CCDC171: variants seen among roughly 807,000 people sequenced by gnomAD.
The protein encoded by CCDC171 is coiled-coil domain containing 171, also known as coiled-coil domain-containing protein 171.
CCDC171 carries 177 observed loss-of-function variants against 168.2 expected under a neutral mutation model. That is an observed-to-expected ratio of 1.05 (90% CI 0.93 to 1.19). CCDC171 has a LOEUF of 1.19. Among genes scored for constraint, CCDC171 ranks in the 50% most tolerant of loss-of-function variants. CCDC171 has a pLI of 0.00. For synonymous variants in CCDC171, 687 were observed against 540.8 expected (o/e 1.27, Z -3.75); for missense variants, 1,991 against 1,539.0 (o/e 1.29, Z -4.91).
the CCDC171 span, among the ~76,000 whole-genome samples, chr9:16,092,571 C>T: frequency 6.6e-6 from 1 of 152,144 alleles, no homozygotes; most frequent in African/African-American, 2.4e-5. Context: ...TATGTCATAG[C>T]ACTTTACAAC....
intron 23 of CCDC171, among the ~76,000 whole-genome samples, chr9:15,874,127 A>G (rs1483973336): frequency 6.6e-6 from 1 of 152,110 alleles, no homozygotes; most frequent in African/African-American, 2.4e-5. Flanking sequence ...ATCTTGTCCA[A>G]TATGTATCAG....
the CCDC171 span, among the ~76,000 whole-genome samples, chr9:16,087,832 T>A: frequency 6.6e-6 from 1 of 152,262 alleles, no homozygotes; most frequent in African/African-American, 2.4e-5. Context: ...TGCAGTTTCT[T>A]CATAGTGTCA....
At chr9:15,666,062 T>G (rs2048710966) in intron 8 of CCDC171, 101 bp from the exon 9 acceptor site, 3 of 1,005,258 alleles carry the variant, frequency 3.0e-6, no homozygotes, top group Non-Finnish European at 4.4e-6. Context: ...AAGAAGTGCT[T>G]GGATGAATGA....
chr9:15,846,341 A>G (rs545009020), intron 21 of CCDC171, among the ~76,000 whole-genome samples: 1 of 152,208 alleles, frequency 6.6e-6, no homozygotes, highest in East Asian at 1.9e-4. Context: ...TTGGAATAAA[A>G]TTGACTCTAA....
chr9:15,770,773 T>C (rs760096361), intron 18 of CCDC171, among the ~76,000 whole-genome samples: 12 of 152,176 alleles, frequency 7.9e-5, no homozygotes, highest in Non-Finnish European at 1.5e-4. Flanking sequence ...TTTTGTTATT[T>C]CTGTGAAAAT....
chr9:15,923,558 G>A (rs1825577528), intron 25 of CCDC171, among the ~76,000 whole-genome samples: 1 of 151,238 alleles, frequency 6.6e-6, no homozygotes, highest in East Asian at 1.9e-4. Context: ...AGTTAGGTAG[G>A]AGAAATAAGT....
At chr9:15,805,211 C>G (rs375382698) in intron 21 of CCDC171, among the ~76,000 whole-genome samples, 3 of 151,940 alleles carry the variant, frequency 2.0e-5, no homozygotes, top group East Asian at 3.9e-4. Context: ...ATTTGTTGAT[C>G]TTTTGAATGG....
intron 18 of CCDC171, among the ~76,000 whole-genome samples, chr9:15,755,428 T>C (rs1333378865): frequency 6.6e-6 from 1 of 152,182 alleles, no homozygotes; most frequent in Non-Finnish European, 1.5e-5. Flanking sequence ...CCTAGGAATG[T>C]ATCCAAGAGA....
chr9:15,584,032 A>G (rs1587143964), intron 4 of CCDC171, among the ~76,000 whole-genome samples: 1 of 151,924 alleles, frequency 6.6e-6, no homozygotes, highest in East Asian at 1.9e-4. Context: ...ACGCCCGGCT[A>G]ATTTTCTTGT....
chr9:15,613,306 T>G (rs1351291596), intron 6 of CCDC171, among the ~76,000 whole-genome samples: 2 of 152,148 alleles, frequency 1.3e-5, no homozygotes, highest in African/African-American at 4.8e-5. Flanking sequence ...AATTGTGACT[T>G]TAAGTGAATG....
chr9:15,864,812 A>C lies in CCDC171; in HGVS notation c.3469-9720A>C, dbSNP rs145509893. Reference sequence around the variant, plus strand: ...TTTACTGCAGCTAAGAGTAAAAGTAAGAAAACTTAGGTAAAATTGAAATGT... The same window carrying C: ...TTTACTGCAGCTAAGAGTAAAAGTACGAAAACTTAGGTAAAATTGAAATGT... On this transcript the variant is annotated intron_variant, in intron 23 of 25. Transcript: ENST00000380701. Among the ~76,000 whole-genome samples, 316 of 152,228 alleles carry C rather than the reference A, an allele frequency of 2.1e-3. 2 individuals carry two copies. Among genetic ancestry groups the C allele is most frequent in the African/African-American group, 7.1e-3 (295 of 41,562 alleles).
chr9:15,719,222 A>G (rs2053292589), intron 11 of CCDC171, among the ~76,000 whole-genome samples: 1 of 152,120 alleles, frequency 6.6e-6, no homozygotes, highest in Non-Finnish European at 1.5e-5. Flanking sequence ...TAACAGTAGA[A>G]TTGATTAAGC....
rs138065892 is a variant in CCDC171, at chr9:16,001,398, ATG to A, written n.369-19173_369-19172del. Among the ~76,000 whole-genome samples the A allele has an allele frequency of 1.3e-4, 20 of 149,752 alleles. No individual in the cohort carries two copies. In the South Asian group the frequency reaches 1.7e-3, roughly 13 times the overall value. ...AAGTAAGGAGGGTTTTCTCATATGT[ATG>A]TGTGTGTGTGTGTGTGTAGAGAGAG... On this transcript the variant is annotated intron_variant and non_coding_transcript_variant, in intron 3 of 9. Transcript: ENST00000486641.
intron 21 of CCDC171, among the ~76,000 whole-genome samples, chr9:15,800,225 T>C (rs556621660): frequency 1.3e-5 from 2 of 152,252 alleles, no homozygotes; most frequent in South Asian, 2.1e-4. Flanking sequence ...TAATTTACAT[T>C]CCCACCAACA....
In CCDC171 at chr9:15,784,571, G is replaced by A; in HGVS notation, c.3144G>A (p.Arg1048=). Residue 1048 remains arginine, a synonymous_variant, in exon 21 of 26, where the codon CGG becomes CGA. Coordinates refer to ENST00000380701, the MANE Select transcript of CCDC171 (RefSeq NM_173550.4). The part of the protein sequence containing the change: ...ACEELNNALL[R]EEQAQMLLNE... ...AAGAACTAAATAATGCATTACTTCG[G>A]GAAGAGCAGGCACAAATGCTATTGA... is the stretch of plus-strand genomic sequence containing the variant. The A allele has an allele frequency of 1.2e-6, 2 of 1,613,296 alleles. No homozygotes were observed. Among genetic ancestry groups the A allele is most frequent in the Non-Finnish European group, 1.7e-6 (2 of 1,179,498 alleles).
intron 18 of CCDC171, among the ~76,000 whole-genome samples, chr9:15,749,414 G>A (rs544525266): frequency 2.6e-5 from 4 of 152,190 alleles, no homozygotes; most frequent in East Asian, 1.9e-4. Context: ...ACAGATCAAC[G>A]AGACAGAAAA....
chr9:15,596,098 T>C (rs2042330286), intron 6 of CCDC171, among the ~76,000 whole-genome samples: 1 of 152,204 alleles, frequency 6.6e-6, no homozygotes, highest in Admixed American at 6.6e-5. Context: ...GTAGGTTGCC[T>C]GTTCACTCTG....
intron 4 of CCDC171, among the ~76,000 whole-genome samples, chr9:15,587,935 A>G (rs1166042748): frequency 6.6e-6 from 1 of 152,196 alleles, no homozygotes; most frequent in Non-Finnish European, 1.5e-5. Context: ...GATGAAATCT[A>G]TTAGAAATTA....
chr9:15,956,100 A>G (rs1829770769), intron 25 of CCDC171, among the ~76,000 whole-genome samples: 1 of 152,204 alleles, frequency 6.6e-6, no homozygotes, highest in East Asian at 1.9e-4. Context: ...AGAAGTGAGC[A>G]GTGTTCAATA....
Sources: gnomAD v4.1 joint callset for allele counts (sites outside exome capture counted in the v4.1 genomes callset) on GRCh38, gnomAD v4.1.1 for gene constraint, MANE v1.5 for transcripts, NCBI Gene and HGNC (gene_info 2026-07-23, HGNC 2026-07-21) for gene names.